The following CRISP2 variants were observed in gnomAD, a reference collection of about 807,000 sequenced individuals.
CRISP2 encodes cysteine-rich secretory protein 2.
In CRISP2, 29 loss-of-function variants were observed where a neutral mutation model predicts 31.7. That is an observed-to-expected ratio of 0.92 (90% CI 0.68 to 1.25). CRISP2 has a LOEUF of 1.25. Among genes scored for constraint, CRISP2 ranks in the 50% most tolerant of loss-of-function variants. The pLI is 0.00. For missense variants in CRISP2, 318 were observed against 286.5 expected (o/e 1.11, Z -0.79); for synonymous variants, 111 against 101.4 (o/e 1.09, Z -0.57).
chr6:49,709,984 G>C (rs1281591223), intron 3 of CRISP2, among the ~76,000 whole-genome samples: 1 of 152,086 alleles, frequency 6.6e-6, no homozygotes. Flanking sequence ...GAAACAACAA[G>C]ACCACTTAGT....
downstream of CRISP2, among the ~76,000 whole-genome samples, chr6:49,692,178 C>T (rs897817039): frequency 4.6e-5 from 7 of 152,100 alleles, no homozygotes; most frequent in Admixed American, 2.6e-4. Flanking sequence ...TAAAATTTAA[C>T]TTTATAGACA....
intron 8 of CRISP2, 24 bp from the exon 9 acceptor site, chr6:49,695,948 A>G (rs1404084060): frequency 5.3e-6 from 8 of 1,505,478 alleles, no homozygotes; most frequent in Non-Finnish European, 7.4e-6. Context: ...TACATGTCAA[A>G]TATTTTTCAC....
chr6:49,683,180 AAATAAAT>A, the CRISP2 span, among the ~76,000 whole-genome samples: 17 of 150,592 alleles, frequency 1.1e-4, no homozygotes, highest in African/African-American at 4.1e-4. Flanking sequence ...ATAAATAAAT[AAATAAAT>A]AAATAAATAA....
chr6:49,690,658 G>A (rs1229322501), downstream of CRISP2, among the ~76,000 whole-genome samples: 1 of 152,000 alleles, frequency 6.6e-6, no homozygotes, highest in Non-Finnish European at 1.5e-5. Context: ...AAAATCAAAT[G>A]TTTGTGGGTA....
intron 4 of CRISP2, among the ~76,000 whole-genome samples, chr6:49,708,679 G>T (rs1767481828): frequency 6.6e-6 from 1 of 152,162 alleles, no homozygotes; most frequent in African/African-American, 2.4e-5. Flanking sequence ...CCATAACTGT[G>T]AGAGAATAAG....
At chr6:49,680,192 C>T in the CRISP2 span, among the ~76,000 whole-genome samples, 3 of 152,094 alleles carry the variant, frequency 2.0e-5, no homozygotes, top group Admixed American at 1.3e-4. Context: ...TGTTGTTCCC[C>T]TGTATGTGTC....
At chr6:49,704,539 C>A (rs139137824) in intron 4 of CRISP2, among the ~76,000 whole-genome samples, 64 of 152,176 alleles carry the variant, frequency 4.2e-4, no homozygotes, top group Non-Finnish European at 6.9e-4. Context: ...TTGCCTTGAA[C>A]CCTTGATGTG....
In CRISP2 at chr6:49,698,403, C is replaced by T; in HGVS notation, c.376G>A (p.Gly126Arg). 6.2e-7 allele frequency: 1 copy of T among 1,613,424 alleles called. No individual in the cohort carries two copies. The highest frequency in any genetic ancestry group is 1.1e-5 in the South Asian group (1 of 90,980). The change falls in exon 7 of 10, where the codon GGA becomes AGA. Residue 126 changes from glycine (G) to arginine (R), a missense_variant. Transcript: ENST00000339139. Reference sequence around the variant, plus strand: ...ACAACTGCATTGGGACTCTTTGGTCCTACACCATAGACAAAATCTAGGATC... The same window carrying T: ...ACAACTGCATTGGGACTCTTTGGTCTTACACCATAGACAAAATCTAGGATC... ...DEILDFVYGV[G>R]PKSPNAVVGH...
At chr6:49,688,551 T>C (rs1446587384), downstream of CRISP2, among the ~76,000 whole-genome samples, 2 of 152,146 alleles carry the variant, frequency 1.3e-5, no homozygotes, top group Non-Finnish European at 2.9e-5. Flanking sequence ...AAAGCCATTA[T>C]ATTGTGATGA....
rs185944836 is a variant in CRISP2, at chr6:49,700,013, T to C, written c.184-122A>G. The C allele has an allele frequency of 1.1e-4, 87 of 826,934 alleles. No homozygotes were observed. The African/African-American group carries it at 1.4e-3, about 13-fold the overall frequency. 51.2% of individuals were successfully genotyped at this position (826,934 alleles called of 1,614,324 possible). A position where few individuals can be genotyped will look rare whatever the true frequency, so the allele number is the denominator to read the frequency against. ...GATGTATTCTCTAATACTACTGTTA[T>C]TAAAATGTTTTTAAGTGTTTTTATC... On this transcript the variant is annotated intron_variant, in intron 5 of 9. Transcript: ENST00000339139.
chr6:49,703,007 T>A (rs528191666), intron 4 of CRISP2, among the ~76,000 whole-genome samples: 1 of 152,096 alleles, frequency 6.6e-6, no homozygotes, highest in Non-Finnish European at 1.5e-5. Context: ...AGGTGAGAGA[T>A]AAAGATTCAG....
chr6:49,685,350 T>C, the CRISP2 span, among the ~76,000 whole-genome samples: 1 of 152,210 alleles, frequency 6.6e-6, no homozygotes, highest in African/African-American at 2.4e-5. Context: ...GAGATGTCTA[T>C]GTCCTTATTT....
At chr6:49,709,332 G>A (rs1767604438) in intron 3 of CRISP2, 127 bp from the exon 4 acceptor site, 2 of 790,416 alleles carry the variant, frequency 2.5e-6, no homozygotes. Context: ...ATTAACAATG[G>A]AACAAAAGAA....
upstream of CRISP2, chr6:49,713,544 G>T (rs699957): frequency 0.25 from 38,786 of 152,128 alleles, 5,188 homozygotes; most frequent in East Asian, 0.47. Flanking sequence ...GAGGAGCTGC[G>T]GCGCGCCCCT....
the CRISP2 span, among the ~76,000 whole-genome samples, chr6:49,687,286 TA>T: frequency 6.6e-6 from 1 of 152,200 alleles, no homozygotes; most frequent in Non-Finnish European, 1.5e-5. Flanking sequence ...TATAAAATAT[TA>T]AGTGAAATGT....
intron 8 of CRISP2, chr6:49,697,608 G>A: frequency 2.3e-6 from 2 of 880,770 alleles, no homozygotes; most frequent in Non-Finnish European, 3.3e-6. Context: ...ACCCTAAGCT[G>A]AGGGAAGGCC....
intron 5 of CRISP2, 129 bp from the exon 6 acceptor site, chr6:49,700,020 GT>G: frequency 1.3e-6 from 1 of 768,602 alleles, no homozygotes; most frequent in Non-Finnish European, 2.1e-6. Flanking sequence ...TTATTAAAAT[GT>G]TTTTAAGTGT....
the CRISP2 span, among the ~76,000 whole-genome samples, chr6:49,682,587 T>TTCTCTTTCTTTC: frequency 3.6e-5 from 3 of 83,616 alleles, no homozygotes; most frequent in Non-Finnish European, 2.3e-5. Context: ...CTTTCTTTCT[T>TTCTCTTTCTTTC]TTTCTTTCTT....
At chr6:49,677,660 A>G in the CRISP2 span, among the ~76,000 whole-genome samples, 3 of 152,110 alleles carry the variant, frequency 2.0e-5, no homozygotes, top group African/African-American at 4.8e-5. Context: ...TTATTTCCTT[A>G]TGTATCTATT....
Sources: allele counts gnomAD v4.1 joint callset (sites outside exome capture counted in the v4.1 genomes callset), GRCh38; gene constraint gnomAD v4.1.1; transcripts MANE v1.5; gene names NCBI Gene and HGNC (gene_info 2026-07-23, HGNC 2026-07-21).